Variants in GRM7 observed in about 807,000 individuals in gnomAD.
The protein encoded by GRM7 is glutamate metabotropic receptor 7.
Under a neutral mutation model 84.5 loss-of-function variants are expected in GRM7, and 35 were observed. That is an observed-to-expected ratio of 0.41 (90% CI 0.32 to 0.55). GRM7 has a LOEUF of 0.55. Among genes scored for constraint, GRM7 ranks in the 20% least tolerant of loss-of-function variants. GRM7 has a pLI of 0.19. For synonymous variants in GRM7, 487 were observed against 455.1 expected, an observed-to-expected ratio of 1.07 and a Z score of -0.89; for missense variants, 1,003 against 1,194.6, an observed-to-expected ratio of 0.84 and a Z score of 2.36.
chr3:7,346,123 G>A (rs74513819), intron 4 of GRM7, among the ~76,000 whole-genome samples: 3 of 152,078 alleles, frequency 2.0e-5, no homozygotes, highest in East Asian at 3.9e-4. Flanking sequence ...ATTAGGTGAC[G>A]GCAACCATAA....
intron 1 of GRM7, among the ~76,000 whole-genome samples, chr3:6,874,401 G>C (rs912129936): frequency 1.3e-5 from 2 of 152,296 alleles, no homozygotes; most frequent in African/African-American, 4.8e-5. Flanking sequence ...GTCAGAGCCA[G>C]CTCCGGGCAG....
At chr3:7,164,015 A>G (rs1462431285) in intron 2 of GRM7, among the ~76,000 whole-genome samples, 1 of 152,212 alleles carries the variant, frequency 6.6e-6, no homozygotes, top group Non-Finnish European at 1.5e-5. Flanking sequence ...ATAAACATGC[A>G]AGGGACCATC....
intron 5 of GRM7, among the ~76,000 whole-genome samples, chr3:7,439,981 G>A (rs1468419180): frequency 6.6e-6 from 1 of 152,138 alleles, no homozygotes; most frequent in East Asian, 1.9e-4. Flanking sequence ...GTGAAAACTG[G>A]GATAAAGTTG....
chr3:7,691,021 T>C (rs1700780608), intron 9 of GRM7: 1 of 372,834 alleles, frequency 2.7e-6, no homozygotes, highest in South Asian at 1.9e-5. Flanking sequence ...CTACTAAAGA[T>C]GTATCTCAAC....
At chr3:7,308,237 T>G (rs188460062) in intron 4 of GRM7, among the ~76,000 whole-genome samples, 22 of 137,530 alleles carry the variant, frequency 1.6e-4, no homozygotes, top group African/African-American at 6.6e-4. Context: ...TTTGGTTGAT[T>G]GACTTCTATT....
chr3:6,946,498 C>T (rs1698087863), intron 1 of GRM7, among the ~76,000 whole-genome samples: 1 of 152,306 alleles, frequency 6.6e-6, no homozygotes, highest in Non-Finnish European at 1.5e-5. Flanking sequence ...TAGCGTGATG[C>T]TTCCAGCTTT....
At chr3:7,229,759 A>ATATTTTT (rs1434216248) in intron 2 of GRM7, among the ~76,000 whole-genome samples, 1 of 30,438 alleles carries the variant, frequency 3.3e-5, no homozygotes, top group African/African-American at 1.3e-4. Context: ...ATATATATAT[A>ATATTTTT]TTTTTTTTTT....
Position 7,680,239 on chromosome 3 carries a change from G to A in GRM7, c.2642G>A (p.Ser881Asn), listed in dbSNP as rs1348096791. ...TMSSRLSHKP[S>N]DRPNGEAKTE... ...TCATCGAGGCTGTCACACAAACCCA[G>A]TGACAGACCCAACGGTGAGGCAAAG... The change falls in exon 9 of 10, where the codon AGT becomes AAT. Residue 881 changes from serine (S) to asparagine (N), a missense_variant. Around this residue, in one of 2 missense-constraint regions of GRM7, gnomAD observed 910 missense variants for 1,126.0 expected, o/e 0.81. Coordinates refer to ENST00000357716, the MANE Select transcript of GRM7 (RefSeq NM_000844.4). The A allele has an allele frequency of 6.2e-7, 1 of 1,614,138 alleles. No homozygotes were observed. The highest frequency in any genetic ancestry group is 1.7e-5 in the Admixed American group (1 of 60,020).
chr3:7,410,656 C>CCACACACACACACA (rs370683194), intron 4 of GRM7, among the ~76,000 whole-genome samples: 3 of 142,622 alleles, frequency 2.1e-5, no homozygotes, highest in African/African-American at 7.8e-5. Context: ...ACCACCACCA[C>CCACACACACACACA]CACACACACA....
At chr3:7,360,151 G>A (rs62237109) in intron 4 of GRM7, among the ~76,000 whole-genome samples, 7 of 97,706 alleles carry the variant, frequency 7.2e-5, no homozygotes, top group South Asian at 7.8e-4. Flanking sequence ...GTGTGTGTGT[G>A]TGTGTGTGTG....
At chr3:6,865,222 G>A (rs1007127143) in intron 1 of GRM7, among the ~76,000 whole-genome samples, 17 of 152,166 alleles carry the variant, frequency 1.1e-4, no homozygotes, top group African/African-American at 2.4e-4. Context: ...AAGATTAAAC[G>A]TAAATTAATA....
At chr3:7,047,018 A>G (rs1377328479) in intron 1 of GRM7, among the ~76,000 whole-genome samples, 1 of 152,088 alleles carries the variant, frequency 6.6e-6, no homozygotes, top group Non-Finnish European at 1.5e-5. Context: ...CCATTGAGGC[A>G]GATCCAAGGA....
rs955140583 is a variant in GRM7 at position 6,863,084 on chromosome 3, A to G, written c.519+1177A>G. 4.2e-5 allele frequency: 18 copies of G among 429,818 alleles called. No homozygotes were observed. Among genetic ancestry groups the G allele is most frequent in the Admixed American group, 1.1e-4 (4 of 37,304 alleles). The allele number at this position is 429,818 out of a possible 1,614,324, so 26.6% of individuals were successfully genotyped here. Reference sequence around the variant, plus strand: ...GGTTCCCTCCTCTGTGTCTTTCCCTATATGTGCATCACTCTCTCTTTCTGT... The same window carrying G: ...GGTTCCCTCCTCTGTGTCTTTCCCTGTATGTGCATCACTCTCTCTTTCTGT... On this transcript the variant is annotated intron_variant, in intron 1 of 9. Coordinates refer to ENST00000357716, the MANE Select transcript of GRM7 (RefSeq NM_000844.4). This position sits in a 1 kb window ranked among gnomAD's most constrained non-coding sequence, Gnocchi z 4.8.
At chr3:7,577,099 A>G (rs1028875202) in intron 7 of GRM7, among the ~76,000 whole-genome samples, 3 of 152,154 alleles carry the variant, frequency 2.0e-5, no homozygotes, top group Non-Finnish European at 4.4e-5. Flanking sequence ...AAATATTTTT[A>G]TCCTATGTGA....
chr3:7,107,186 A>C (rs1407649841), intron 1 of GRM7, among the ~76,000 whole-genome samples: 1 of 152,042 alleles, frequency 6.6e-6, no homozygotes, highest in Non-Finnish European at 1.5e-5. Flanking sequence ...TACTCGGCCA[A>C]GCCTTGGGAA....
At chr3:7,245,420 A>G (rs2124928732) in intron 2 of GRM7, among the ~76,000 whole-genome samples, 1 of 152,170 alleles carries the variant, frequency 6.6e-6, no homozygotes, top group East Asian at 1.9e-4. Context: ...AGAGAGACAG[A>G]AAAATGAAAA....
rs3804821 is a variant in GRM7 at position 7,716,158 on chromosome 3, G to C, written c.2699-24199G>C. ...ATAGAGAGCTTTCTAATCATGCTGT[G>C]GGGGGGTGTTTTCCTAGTTCAGAGA... On this transcript the variant is annotated intron_variant, in intron 9 of 9. Transcript: ENST00000357716. Among the ~76,000 whole-genome samples, 21 of 152,012 alleles carry C rather than the reference G, an allele frequency of 1.4e-4. 1 individual carries two copies. The East Asian group carries it at 3.9e-3, about 28-fold the overall frequency.
Position 7,359,220 on chromosome 3 carries a change from T to TTGTGTGTG in GRM7, c.1033+52596_1033+52603dup, listed in dbSNP as rs34535570. 3.3e-3 allele frequency among the ~76,000 whole-genome samples: 444 copies of TTGTGTGTG among 133,236 alleles called. 33 individuals carry two copies. Among genetic ancestry groups the TTGTGTGTG allele is most frequent in the African/African-American group, 0.011 (371 of 33,568 alleles). 87.4% of individuals were successfully genotyped at this position (133,236 alleles called of 152,430 possible). ...TTACCATTTGGTAGGGTGTTTGTGT[T>TTGTGTGTG]TGTGTGTGTGTGTGTGTGTGTGTGT... On this transcript the variant is annotated intron_variant, in intron 4 of 9. Transcript: ENST00000357716.
At chr3:7,134,223 A>G (rs79432158) in intron 1 of GRM7, among the ~76,000 whole-genome samples, 4,796 of 152,176 alleles carry the variant, frequency 0.032, 190 homozygotes, top group African/African-American at 0.097. Flanking sequence ...CTTGATGAGA[A>G]CTGCATGTTA....
Sources: gnomAD v4.1 joint callset for allele counts (sites outside exome capture counted in the v4.1 genomes callset) on GRCh38, gnomAD v4.1.1 for gene constraint, gnomAD v4.1.1 regional missense constraint, Gnocchi (gnomAD v3.1) non-coding constraint, MANE v1.5 for transcripts, NCBI Gene and HGNC (gene_info 2026-07-23, HGNC 2026-07-21) for gene names.